EPG5: variants seen among roughly 807,000 people sequenced by gnomAD.
EPG5 encodes ectopic P-granules 5 autophagy tethering factor.
A neutral mutation model predicts 302.7 loss-of-function variants in EPG5; 159 were observed. That is an observed-to-expected ratio of 0.53 (90% CI 0.46 to 0.60). The LOEUF (loss-of-function observed/expected upper bound fraction) is 0.60. EPG5 is among the 20% of genes least tolerant of loss of function. EPG5 has a pLI of 0.00. For synonymous variants in EPG5, 1,158 were observed against 1,136.8 expected, an observed-to-expected ratio of 1.02 and a Z score of -0.37; for missense variants, 2,896 against 3,092.4, an observed-to-expected ratio of 0.94 and a Z score of 1.51.
intron 11 of EPG5, 81 bp from the exon 12 acceptor site, chr18:45,930,911 T>G: frequency 7.8e-7 from 1 of 1,288,224 alleles, no homozygotes. Flanking sequence ...GAAAAAGATT[T>G]AGGAATATTT....
intron 15 of EPG5, 106 bp from the exon 16 acceptor site, chr18:45,922,706 A>T: frequency 7.6e-7 from 1 of 1,324,192 alleles, no homozygotes. Context: ...AACGCAGAGG[A>T]ATATTCTACT....
At chr18:45,865,451 C>T (rs540896080) in intron 39 of EPG5, among the ~76,000 whole-genome samples, 164 bp downstream of exon 39, 1 of 152,334 alleles carries the variant, frequency 6.6e-6, no homozygotes, top group South Asian at 2.1e-4. Context: ...CAGTGTCAAT[C>T]CTTCCCCACT....
At position 45,852,522 on chromosome 18, in the gene EPG5, G is replaced by A; in HGVS notation, c.7685C>T (p.Ala2562Val). Residue 2562 changes from alanine (A) to valine (V), a missense_variant, in exon 44 of 44, where the codon GCT (alanine) becomes GTT (valine). This residue lies in a region of EPG5 where 620 missense variants were observed against 704.2 expected (regional missense o/e 0.88). Coordinates refer to ENST00000282041, the MANE Select transcript of EPG5 (RefSeq NM_020964.3). ...TGGATACAGACAGTTAACGAGAAGAGCCAAGAAGCTTTTCCCATCTTGAAG... is the reference window on the plus strand; with the variant it reads ...TGGATACAGACAGTTAACGAGAAGAACCAAGAAGCTTTTCCCATCTTGAAG... ...HCLQDGKSFL[A>V]LLVNCLYPEV... 1.9e-6 allele frequency: 3 copies of A among 1,614,212 alleles called. No individual in the cohort carries two copies. The highest frequency in any genetic ancestry group is 1.7e-6 in the Non-Finnish European group (2 of 1,180,034).
downstream of EPG5, among the ~76,000 whole-genome samples, chr18:45,846,758 A>C (rs950785179): frequency 3.9e-5 from 6 of 152,208 alleles, no homozygotes; most frequent in Non-Finnish European, 8.8e-5. Flanking sequence ...TAAAAGAGTA[A>C]GAAAATGGCT....
chr18:45,802,956 C>T, the EPG5 span, among the ~76,000 whole-genome samples: 1 of 152,144 alleles, frequency 6.6e-6, no homozygotes, highest in African/African-American at 2.4e-5. Context: ...GAGTCACTCA[C>T]AGAGGCCAGC....
intron 36 of EPG5, among the ~76,000 whole-genome samples, chr18:45,869,928 TAA>T (rs72108364): frequency 2.1e-4 from 29 of 139,876 alleles, no homozygotes; most frequent in Admixed American, 2.8e-4. Flanking sequence ...AGAGTGTAAT[TAA>T]AAAAAAAAAA....
chr18:45,939,605 G>C lies in EPG5; in HGVS notation c.2094C>G (p.Ala698=). 1 of 1,613,862 alleles carries C rather than the reference G, an allele frequency of 6.2e-7. No individual in the cohort carries two copies. The highest frequency in any genetic ancestry group is 8.5e-7 in the Non-Finnish European group (1 of 1,179,906). The stretch of plus-strand genomic sequence containing the variant: ...TCATCATATGTCTTACTTACCTTTT[G>C]GCCTTCAGCACATGTAGGACAGCCC... ...FLRAVLHVLK[A]KRLGIWLFMS... Residue 698 remains alanine (A), a synonymous_variant, in exon 10 of 44, where the codon GCC becomes GCG. Transcript: ENST00000282041.
chr18:45,895,840 A>C (rs2049458914), intron 27 of EPG5, among the ~76,000 whole-genome samples: 1 of 152,228 alleles, frequency 6.6e-6, no homozygotes, highest in Non-Finnish European at 1.5e-5. Context: ...ATGATGAGTC[A>C]TAAACACTGA....
chr18:45,962,560 T>C (rs1033625811), intron 1 of EPG5, among the ~76,000 whole-genome samples: 8 of 152,310 alleles, frequency 5.3e-5, no homozygotes, highest in East Asian at 1.9e-4. Context: ...TAGGTCTCTC[T>C]CTTAGGCATC....
chr18:45,949,538 G>A lies in EPG5; in HGVS notation c.1443C>T (p.Asn481=). 6.2e-7 allele frequency: 1 copy of A among 1,613,306 alleles called. No individual in the cohort carries two copies. The highest frequency in any genetic ancestry group is 8.5e-7 in the Non-Finnish European group (1 of 1,179,494). Residue 481 remains asparagine, a synonymous_variant, in exon 5 of 44, where the codon AAC becomes AAT. Coordinates refer to ENST00000282041, the MANE Select transcript of EPG5 (RefSeq NM_020964.3). Reference sequence around the variant, plus strand: ...CACCAGCGGGGCATCGAAGAATATGGTTTAGAAGGAAGAGGTGATCTCCAG... The same window carrying A: ...CACCAGCGGGGCATCGAAGAATATGATTTAGAAGGAAGAGGTGATCTCCAG... ...GCPGDHLFLL[N]HILRCPAGVS...
the EPG5 span, among the ~76,000 whole-genome samples, chr18:45,825,242 G>T: frequency 2.7e-5 from 4 of 146,182 alleles, no homozygotes; most frequent in Non-Finnish European, 6.0e-5. Context: ...GAGGAATAAG[G>T]GAAGGAAAAA....
rs774626194 is a variant in EPG5 at position 45,954,982 on chromosome 18, C to T, written c.420G>A (p.Glu140=). The change falls in exon 2 of 44, where the codon GAG becomes GAA. Residue 140 remains glutamate (E), a synonymous_variant. Transcript: ENST00000282041. ...TKVETPKNFT[E]VEENMSVQGG... The stretch of plus-strand genomic sequence containing the variant: ...CTTGTACCGACATATTTTCCTCTAC[C>T]TCTGTGAAGTTCTTGGGGGTTTCTA... 6.2e-7 allele frequency: 1 copy of T among 1,614,156 alleles called. No homozygotes were observed. The highest frequency in any genetic ancestry group is 1.7e-5 in the Admixed American group (1 of 60,012).
At chr18:45,875,458 C>T (rs1476367439) in intron 35 of EPG5, among the ~76,000 whole-genome samples, 1 of 151,872 alleles carries the variant, frequency 6.6e-6, no homozygotes, top group Admixed American at 6.6e-5. Flanking sequence ...GATCAGGGTA[C>T]ATTTGAAAAA....
intron 31 of EPG5, among the ~76,000 whole-genome samples, chr18:45,881,019 C>G (rs561162871): frequency 4.6e-5 from 7 of 152,214 alleles, no homozygotes; most frequent in Admixed American, 1.3e-4. Context: ...GCAGTGACAT[C>G]AGGGAAAACA....
At chr18:45,912,090 G>C (rs2049917294) in intron 22 of EPG5, among the ~76,000 whole-genome samples, 200 bp downstream of exon 22, 1 of 152,154 alleles carries the variant, frequency 6.6e-6, no homozygotes, top group Admixed American at 6.5e-5. Flanking sequence ...AGATGGTAAA[G>C]AGAAGCTGCC....
intron 10 of EPG5, among the ~76,000 whole-genome samples, chr18:45,935,198 A>G (rs939371058): frequency 6.6e-6 from 1 of 152,212 alleles, no homozygotes; most frequent in Non-Finnish European, 1.5e-5. Context: ...GTGTGTGTAT[A>G]CATGTATGTA....
chr18:45,928,792 G>T, intron 13 of EPG5, 77 bp downstream of exon 13: 1 of 1,402,380 alleles, frequency 7.1e-7, no homozygotes. Context: ...TCATTCCCAA[G>T]AACCTTCCTA....
chr18:45,825,984 G>A, the EPG5 span, among the ~76,000 whole-genome samples: 1 of 152,182 alleles, frequency 6.6e-6, no homozygotes, highest in Non-Finnish European at 1.5e-5. Flanking sequence ...GGTGACTTGA[G>A]ACAGGCACTC....
chr18:45,842,531 T>C, the EPG5 span: 1 of 254,560 alleles, frequency 3.9e-6, no homozygotes, highest in Non-Finnish European at 7.7e-6. Context: ...GAACACCTGC[T>C]ATAGTAAAGC....
Sources: gnomAD v4.1 joint callset for allele counts (sites outside exome capture counted in the v4.1 genomes callset) on GRCh38, gnomAD v4.1.1 for gene constraint, gnomAD v4.1.1 regional missense constraint, MANE v1.5 for transcripts, NCBI Gene and HGNC (gene_info 2026-07-23, HGNC 2026-07-21) for gene names.